GRIP1: variants seen among roughly 807,000 people sequenced by gnomAD.
GRIP1 encodes the protein glutamate receptor-interacting protein 1.
In GRIP1, 45 loss-of-function variants were observed where a neutral mutation model predicts 129.9. The ratio of observed to expected loss-of-function variants is 0.35; its 90% CI spans 0.27 to 0.44. The LOEUF is 0.44. Ranked by LOEUF, GRIP1 falls within the 20% of genes least tolerant of loss-of-function variation. The pLI, the probability that GRIP1 is intolerant of heterozygous loss-of-function variation, is 1.00. For synonymous variants in GRIP1, 530 were observed against 520.8 expected, an observed-to-expected ratio of 1.02 and a Z score of -0.24; for missense variants, 1,196 against 1,396.8, an observed-to-expected ratio of 0.86 and a Z score of 2.29.
chr12:66,911,867 G>A (rs1209107175), intron 1 of GRIP1, among the ~76,000 whole-genome samples: 1 of 152,190 alleles, frequency 6.6e-6, no homozygotes, highest in Non-Finnish European at 1.5e-5. Context: ...AACACAGTGT[G>A]CAACCAGCTG....
At chr12:66,512,734 A>T (rs184755901) in intron 7 of GRIP1, among the ~76,000 whole-genome samples, 73 of 152,156 alleles carry the variant, frequency 4.8e-4, no homozygotes, top group Admixed American at 2.4e-3. Flanking sequence ...TTTTTGAGTT[A>T]AATTAAAATA....
At chr12:66,787,609 G>A (rs2038394353) in intron 1 of GRIP1, among the ~76,000 whole-genome samples, 1 of 152,100 alleles carries the variant, frequency 6.6e-6, no homozygotes. Flanking sequence ...CCTTATAAAA[G>A]TGATCCCAGA....
chr12:66,584,152 G>A (rs971484355), intron 2 of GRIP1, among the ~76,000 whole-genome samples: 10 of 149,376 alleles, frequency 6.7e-5, no homozygotes, highest in South Asian at 2.1e-4. Context: ...GTAAACTATC[G>A]CAAGAACAAA....
intron 1 of GRIP1, among the ~76,000 whole-genome samples, chr12:66,676,534 C>T (rs766156859): frequency 6.6e-6 from 1 of 152,188 alleles, no homozygotes; most frequent in African/African-American, 2.4e-5. Flanking sequence ...TGCCCTACTA[C>T]TTTCAACTAG....
chr12:66,771,774 AT>A, intron 1 of GRIP1, among the ~76,000 whole-genome samples: 1 of 152,158 alleles, frequency 6.6e-6, no homozygotes, highest in Admixed American at 6.5e-5. Context: ...AAGAAATGTT[AT>A]TTTACTAGCT....
chr12:66,999,360 A>G lies in GRIP1; in HGVS notation c.58+69690T>C, dbSNP rs143161240. Among the ~76,000 whole-genome samples, 399 of 152,258 alleles carry G rather than the reference A, an allele frequency of 2.6e-3. 1 individual carries two copies. The highest frequency in any genetic ancestry group is 4.7e-3 in the Non-Finnish European group (321 of 68,020). ...TAAGGAAGTTGGAATTTCCATTTGAAGGTTAGAAAACCCTGGTGGTAGAGT... is the reference window on the plus strand; with the variant it reads ...TAAGGAAGTTGGAATTTCCATTTGAGGGTTAGAAAACCCTGGTGGTAGAGT... On this transcript the variant is annotated intron_variant, in intron 1 of 1. Transcript: ENST00000643019.
intron 1 of GRIP1, among the ~76,000 whole-genome samples, chr12:66,672,667 A>AAACACTGACG (rs2034137165): frequency 6.6e-6 from 1 of 152,140 alleles, no homozygotes; most frequent in South Asian, 2.1e-4. Context: ...GATGAGTTTC[A>AAACACTGACG]AACACTGACG....
chr12:66,506,927 A>G (rs749523091), intron 7 of GRIP1, among the ~76,000 whole-genome samples: 2 of 152,052 alleles, frequency 1.3e-5, no homozygotes, highest in Non-Finnish European at 2.9e-5. Flanking sequence ...TCCAATTTTT[A>G]TCTTAGAAAA....
chr12:66,464,740 T>C (rs2059232872), intron 8 of GRIP1, among the ~76,000 whole-genome samples: 1 of 152,140 alleles, frequency 6.6e-6, no homozygotes, highest in South Asian at 2.1e-4. Context: ...ATGGGGTGGC[T>C]GACACATAGG....
At position 66,517,958 on chromosome 12, in the gene GRIP1, C is replaced by T; in HGVS notation, c.521G>A (p.Arg174Lys). The T allele has an allele frequency of 6.3e-7, 1 of 1,591,950 alleles. No individual in the cohort carries two copies. Among genetic ancestry groups the T allele is most frequent in the South Asian group, 1.1e-5 (1 of 90,626 alleles). Residue 174 changes from arginine (R) to lysine (K), a missense_variant, in exon 6 of 25, where the codon AGA (arginine) becomes AAA (lysine). Physicochemically the swap from Arg to Lys is conservative, Grantham distance 26. This residue lies in a region of GRIP1 where 217 missense variants were observed against 224.8 expected (regional missense o/e 0.97). Transcript: ENST00000359742. ...FVIRGGAHDD[R>K]NKSRPVVITC... ...TATCACAACTGGACGAGATTTATTTCTATCATCATGTGCTCCCCCTAGCAA... is the reference window on the plus strand; with the variant it reads ...TATCACAACTGGACGAGATTTATTTTTATCATCATGTGCTCCCCCTAGCAA...
At chr12:66,970,132 A>G (rs980965123) in intron 1 of GRIP1, among the ~76,000 whole-genome samples, 1 of 152,074 alleles carries the variant, frequency 6.6e-6, no homozygotes, top group Non-Finnish European at 1.5e-5. Context: ...CCCAAGCTGG[A>G]ATGCAATGAT....
At chr12:66,464,206 A>G (rs1335961340) in intron 8 of GRIP1, among the ~76,000 whole-genome samples, 1 of 152,228 alleles carries the variant, frequency 6.6e-6, no homozygotes, top group African/African-American at 2.4e-5. Context: ...CTAAAAACAT[A>G]ATTCCACATT....
rs569072015 is a variant in GRIP1 at position 66,566,456 on chromosome 12, T to G, written c.137-24506A>C. Among the ~76,000 whole-genome samples the G allele has an allele frequency of 1.3e-3, 204 of 152,268 alleles. 2 individuals are homozygous for G. The highest frequency in any genetic ancestry group is 6.8e-3 in the Middle Eastern group (2 of 294). On this transcript the variant is annotated intron_variant, in intron 2 of 24. Coordinates refer to ENST00000359742, the MANE Select transcript of GRIP1 (RefSeq NM_001366722.1). ...TAGTATGTTGAACCAGCCTTGCATC[T>G]CAAGGGATGAAGCCCACTTGACCGT...
chr12:66,790,074 A>C (rs1461043470), intron 1 of GRIP1, among the ~76,000 whole-genome samples: 3 of 149,700 alleles, frequency 2.0e-5, no homozygotes, highest in Non-Finnish European at 4.4e-5. Context: ...CTTTATTTTC[A>C]ATATGCCACT....
chr12:66,538,200 CTTT>C (rs60932537), intron 4 of GRIP1, among the ~76,000 whole-genome samples: 7 of 134,408 alleles, frequency 5.2e-5, no homozygotes, highest in South Asian at 4.8e-4. Context: ...TCTTGCTGTA[CTTT>C]TTTTTTTTTT....
At chr12:66,607,068 C>G (rs759629355) in intron 1 of GRIP1, among the ~76,000 whole-genome samples, 7 of 152,014 alleles carry the variant, frequency 4.6e-5, no homozygotes, top group Non-Finnish European at 8.8e-5. Context: ...TAAAGAAAGG[C>G]ACTCCTTCAC....
intron 22 of GRIP1, among the ~76,000 whole-genome samples, chr12:66,375,304 T>C (rs2055733687): frequency 6.6e-6 from 1 of 152,216 alleles, no homozygotes; most frequent in African/African-American, 2.4e-5. Flanking sequence ...CCTAAATTAT[T>C]GCTAGCAATA....
chr12:66,901,701 C>A (rs561015192), intron 1 of GRIP1, among the ~76,000 whole-genome samples: 1 of 152,294 alleles, frequency 6.6e-6, no homozygotes, highest in South Asian at 2.1e-4. Flanking sequence ...ACTTACTGTT[C>A]TGCAAATGAC....
intron 1 of GRIP1, among the ~76,000 whole-genome samples, chr12:66,878,407 A>G (rs1435176027): frequency 6.6e-6 from 1 of 152,008 alleles, no homozygotes; most frequent in East Asian, 1.9e-4. Flanking sequence ...ATAAGCAGAA[A>G]TGAGTGTGAG....
Sources: allele counts gnomAD v4.1 joint callset (sites outside exome capture counted in the v4.1 genomes callset), GRCh38; gene constraint gnomAD v4.1.1; regional missense constraint gnomAD v4.1.1; transcripts MANE v1.5; gene names NCBI Gene and HGNC (gene_info 2026-07-23, HGNC 2026-07-21).